Variants in SLC38A10 observed in about 807,000 individuals in gnomAD.
The protein encoded by SLC38A10 is Sodium-coupled neutral amino acid transporter 10.
Under a neutral mutation model 81.0 loss-of-function variants are expected in SLC38A10, and 53 were observed. The ratio of observed to expected loss-of-function variants is 0.65; its 90% CI spans 0.53 to 0.82. The LOEUF (loss-of-function observed/expected upper bound fraction) is 0.82. Ranked by LOEUF, SLC38A10 falls within the 40% of genes least tolerant of loss-of-function variation. The pLI, the probability that SLC38A10 is intolerant of heterozygous loss-of-function variation, is 0.00. For missense variants in SLC38A10, 1,471 were observed against 1,545.0 expected (o/e 0.95, Z 0.80); for synonymous variants, 665 against 655.3 (o/e 1.01, Z -0.23).
intron 8 of SLC38A10, 136 bp downstream of exon 8, chr17:81,275,833 C>T: frequency 2.0e-6 from 2 of 1,021,174 alleles, no homozygotes; most frequent in Admixed American, 2.5e-5. Flanking sequence ...GCTCCCCCAA[C>T]TTCCGCCCTC....
rs372430209 is a variant in SLC38A10, at chr17:81,246,326, C to G, written c.2590G>C (p.Ala864Pro). 1.1e-5 allele frequency: 17 copies of G among 1,609,122 alleles called. No individual in the cohort carries two copies. The highest frequency in any genetic ancestry group is 1.4e-5 in the Non-Finnish European group (16 of 1,179,704). ...GPEQVPVPDP[A>P]REAGGPEERL... The stretch of plus-strand genomic sequence containing the variant: ...TCCTCTGGGCCCCCGGCTTCCCTGG[C>G]GGGGTCTGGCACGGGCACCTGCTCC... The change falls in exon 16 of 16, where the codon GCC (alanine) becomes CCC (proline). Residue 864 changes from alanine (A) to proline (P), a missense_variant. This residue lies in a region of SLC38A10 where 751 missense variants were observed against 717.4 expected (regional missense o/e 1.05). Coordinates refer to ENST00000374759, the MANE Select transcript of SLC38A10 (RefSeq NM_001037984.3).
At chr17:81,294,492 A>T (rs1346761449) in intron 1 of SLC38A10, among the ~76,000 whole-genome samples, 1 of 152,208 alleles carries the variant, frequency 6.6e-6, no homozygotes, top group Non-Finnish European at 1.5e-5. Context: ...TAAAAACACG[A>T]TAAAATGTAA....
intron 6 of SLC38A10, chr17:81,280,233 C>A: frequency 2.3e-6 from 1 of 431,330 alleles, no homozygotes. Flanking sequence ...CGTCTGAAGT[C>A]AATGTTTGTG....
chr17:81,253,503 A>T lies in SLC38A10; in HGVS notation c.1289-263T>A, dbSNP rs2062939540. Among the ~76,000 whole-genome samples, 1 of 152,020 alleles carries T rather than the reference A, an allele frequency of 6.6e-6. No homozygotes were observed. Among genetic ancestry groups the T allele is most frequent in the Non-Finnish European group, 1.5e-5 (1 of 67,988 alleles). The stretch of plus-strand genomic sequence containing the variant: ...CATGTAATACTCAGTCATTACCACC[A>T]GATGGCGGCACGAGCCCACCGACCC... On this transcript the variant is annotated intron_variant, in intron 11 of 15. Transcript: ENST00000374759. The surrounding 1 kb of genome is among the most constrained non-coding windows in gnomAD (Gnocchi z 4.1).
chr17:81,247,291 G>A (rs1457533313), intron 14 of SLC38A10: 1 of 413,572 alleles, frequency 2.4e-6, no homozygotes, highest in Middle Eastern at 6.3e-4. Context: ...GCCCCTGGAA[G>A]CCCACCCGGG....
intron 3 of SLC38A10, among the ~76,000 whole-genome samples, chr17:81,284,426 C>T (rs2063244677): frequency 6.6e-6 from 1 of 152,192 alleles, no homozygotes; most frequent in Non-Finnish European, 1.5e-5. Context: ...TCAAAAAAGG[C>T]TGTTCGTTTG....
rs893691418 is a variant in SLC38A10, at chr17:81,289,407, C to G, written c.217+284G>C. Among the ~76,000 whole-genome samples the G allele has an allele frequency of 6.6e-6, 1 of 151,710 alleles. No individual in the cohort carries two copies. The highest frequency in any genetic ancestry group is 1.5e-5 in the Non-Finnish European group (1 of 67,982). On this transcript the variant is annotated intron_variant, in intron 2 of 15. Coordinates refer to ENST00000374759, the MANE Select transcript of SLC38A10 (RefSeq NM_001037984.3). The surrounding 1 kb of genome is among the most constrained non-coding windows in gnomAD (Gnocchi z 5.9). ...AATTCTTTTGAGACAGGGTCTCGCT[C>G]TGTCACCCAGGCTGGAATACAATGG...
chr17:81,280,197 G>A (rs2063198154), intron 6 of SLC38A10: 1 of 446,100 alleles, frequency 2.2e-6, no homozygotes, highest in Non-Finnish European at 4.6e-6. Flanking sequence ...GCGCGCACAT[G>A]CAGGCCTCCA....
At chr17:81,256,790 T>A (rs1380967339) in intron 11 of SLC38A10, among the ~76,000 whole-genome samples, 1 of 152,272 alleles carries the variant, frequency 6.6e-6, no homozygotes, top group Admixed American at 6.5e-5. Context: ...AGCCCAATCT[T>A]GAGCACACAG....
chr17:81,282,715 G>T lies in SLC38A10; in HGVS notation c.358-383C>A, dbSNP rs571201279. On this transcript the variant is annotated intron_variant, in intron 4 of 15. Transcript: ENST00000374759. ...CGGGCCCAAAGCTCTAGCTACAAAG[G>T]CCACTACGAAGCACGGAAAACGGAA... Among the ~76,000 whole-genome samples the T allele has an allele frequency of 2.6e-5, 4 of 152,306 alleles. No homozygotes were observed. The South Asian group carries it at 8.3e-4, about 32-fold the overall frequency.
Position 81,282,175 on chromosome 17 carries a change from C to A in SLC38A10, c.501+14G>T, listed in dbSNP as rs114339785. On this transcript the variant is annotated intron_variant, in intron 5 of 15. Coordinates refer to ENST00000374759, the MANE Select transcript of SLC38A10 (RefSeq NM_001037984.3). The stretch of plus-strand genomic sequence containing the variant: ...CAGCCTTTCAGCGGGTACCCACGCG[C>A]GCTGCCGACTCACCACGAACATGAA... The A allele has an allele frequency of 2.3e-5, 37 of 1,612,444 alleles. No homozygotes were observed. Among genetic ancestry groups the A allele is most frequent in the Non-Finnish European group, 3.0e-5 (35 of 1,179,240 alleles).
At chr17:81,272,744 G>C in intron 8 of SLC38A10, 117 bp from the exon 9 acceptor site, 1 of 610,794 alleles carries the variant, frequency 1.6e-6, no homozygotes, top group Non-Finnish European at 2.7e-6. Flanking sequence ...ACGTGAGGCC[G>C]GCCGCGCACT....
chr17:81,288,306 G>A lies in SLC38A10; in HGVS notation c.217+1385C>T, dbSNP rs1225485240. Among the ~76,000 whole-genome samples the A allele has an allele frequency of 5.9e-5, 9 of 152,208 alleles. No individual in the cohort carries two copies. Among genetic ancestry groups the A allele is most frequent in the Admixed American group, 1.3e-4 (2 of 15,284 alleles). Reference sequence around the variant, plus strand: ...TCTCCCGCCACCTCCTCACTCTGCCGCGGGAGCTGTGAGCCCGGGGGGCAG... The same window carrying A: ...TCTCCCGCCACCTCCTCACTCTGCCACGGGAGCTGTGAGCCCGGGGGGCAG... On this transcript the variant is annotated intron_variant, in intron 2 of 15. Transcript: ENST00000374759. The surrounding 1 kb of genome is among the most constrained non-coding windows in gnomAD (Gnocchi z 5.4).
At chr17:81,260,468 G>A (rs1217035686) in intron 10 of SLC38A10, 74 bp from the exon 11 acceptor site, 2 of 1,501,166 alleles carry the variant, frequency 1.3e-6, no homozygotes, top group Middle Eastern at 2.3e-4. Flanking sequence ...AAACTGGCCT[G>A]GCAGAGAGGC....
At chr17:81,247,244 G>A (rs2062860945) in intron 14 of SLC38A10, 183 bp from the exon 15 acceptor site, 5 of 583,682 alleles carry the variant, frequency 8.6e-6, no homozygotes, top group Middle Eastern at 4.8e-4. Context: ...AGTGATGCAC[G>A]CAGGCCTGAG....
chr17:81,275,785 C>A lies in SLC38A10; in HGVS notation c.912+184G>T, dbSNP rs1468636533. On this transcript the variant is annotated intron_variant, in intron 8 of 15. Coordinates refer to ENST00000374759, the MANE Select transcript of SLC38A10 (RefSeq NM_001037984.3). ...CCATGTGCCCATCTCCAGACTCTGG[C>A]CATTATCAGCTCCTGCCCATCAATC... Among the ~76,000 whole-genome samples, 6 of 151,838 alleles carry A rather than the reference C, an allele frequency of 4.0e-5. No homozygotes were observed. In the East Asian group the frequency reaches 1.2e-3, roughly 29 times the overall value.
chr17:81,260,176 A>AC, intron 11 of SLC38A10, 62 bp downstream of exon 11: 1 of 1,526,912 alleles, frequency 6.5e-7, no homozygotes, highest in Non-Finnish European at 8.8e-7. Flanking sequence ...CTCGGACCAG[A>AC]CCCAGGAGAC....
chr17:81,277,684 G>A lies in SLC38A10; in HGVS notation c.627-551C>T, dbSNP rs1374899126. Among the ~76,000 whole-genome samples the A allele has an allele frequency of 6.6e-6, 1 of 152,212 alleles. No individual in the cohort carries two copies. Among genetic ancestry groups the A allele is most frequent in the Non-Finnish European group, 1.5e-5 (1 of 68,040 alleles). On this transcript the variant is annotated intron_variant, in intron 6 of 15. Coordinates refer to ENST00000374759, the MANE Select transcript of SLC38A10 (RefSeq NM_001037984.3). This position sits in a 1 kb window ranked among gnomAD's most constrained non-coding sequence, Gnocchi z 4.5. The stretch of plus-strand genomic sequence containing the variant: ...TCCCACAGCCTGGTGCCAGGAGTGT[G>A]GTGCTGCTAGGGGTGGGAGGGACCC...
chr17:81,257,630 G>A (rs893664768), intron 11 of SLC38A10, among the ~76,000 whole-genome samples: 2 of 152,198 alleles, frequency 1.3e-5, no homozygotes, highest in East Asian at 1.9e-4. Flanking sequence ...GTGTGTCCCC[G>A]CTTGGGCCTG....
Sources: allele counts gnomAD v4.1 joint callset (sites outside exome capture counted in the v4.1 genomes callset), GRCh38; gene constraint gnomAD v4.1.1; regional missense constraint gnomAD v4.1.1; non-coding constraint Gnocchi (gnomAD v3.1); transcripts MANE v1.5; gene names NCBI Gene and HGNC (gene_info 2026-07-23, HGNC 2026-07-21).